Variants in SH3PXD2B observed in about 807,000 individuals in gnomAD.
SH3PXD2B encodes SH3 and PX domains 2B.
A neutral mutation model predicts 73.1 loss-of-function variants in SH3PXD2B; 37 were observed. That is an observed-to-expected ratio of 0.51 (90% CI 0.39 to 0.67). The LOEUF is 0.67. Among genes scored for constraint, SH3PXD2B ranks in the 30% least tolerant of loss-of-function variants. The probability of loss-of-function intolerance (pLI) is 0.00; values close to 1 mark genes in which losing one functional copy is unlikely to be tolerated. For synonymous variants in SH3PXD2B, 457 were observed against 480.5 expected, an observed-to-expected ratio of 0.95 and a Z score of 0.64; for missense variants, 1,053 against 1,197.8, an observed-to-expected ratio of 0.88 and a Z score of 1.78.
intron 12 of SH3PXD2B, among the ~76,000 whole-genome samples, chr5:172,325,598 G>T (rs765149140): frequency 6.6e-6 from 1 of 152,188 alleles, no homozygotes; most frequent in Non-Finnish European, 1.5e-5. Context: ...TCCTCACGTG[G>T]TGAAAGGCGG....
At chr5:172,384,464 G>A (rs746400908) in intron 4 of SH3PXD2B, among the ~76,000 whole-genome samples, 9 of 152,148 alleles carry the variant, frequency 5.9e-5, no homozygotes, top group Non-Finnish European at 1.0e-4. Context: ...TCCATCCACA[G>A]AACTCTATTC....
rs1756692450 is a variant in SH3PXD2B, at chr5:172,336,421, G to A, written c.*1948C>T. 2 of 985,826 alleles carry A rather than the reference G, an allele frequency of 2.0e-6. No homozygotes were observed. The highest frequency in any genetic ancestry group is 1.7e-5 in the African/African-American group (1 of 57,252). The allele number at this position is 985,826 out of a possible 1,614,324, so 61.1% of individuals were successfully genotyped here. ...CAGGGCCAAGTGGCAAGTGGGCCCT[G>A]CCCAAGCCTCTCTGGGAAATGGGAT... On this transcript the variant is annotated 3_prime_UTR_variant, in exon 13 of 13. Coordinates refer to ENST00000311601, the MANE Select transcript of SH3PXD2B (RefSeq NM_001017995.3).
intron 7 of SH3PXD2B, 124 bp from the exon 8 acceptor site, chr5:172,359,001 T>C: frequency 1.1e-6 from 1 of 914,846 alleles, no homozygotes; most frequent in Non-Finnish European, 1.7e-6. Flanking sequence ...GTTACCATTT[T>C]ATTGGTAGAA....
chr5:172,367,389 GTTT>G (rs34660682), intron 6 of SH3PXD2B, among the ~76,000 whole-genome samples: 6 of 137,742 alleles, frequency 4.4e-5, no homozygotes, highest in African/African-American at 1.6e-4. Context: ...CCTCTCATCA[GTTT>G]TTTTTTTTTT....
chr5:172,441,650 G>A (rs900461316), intron 1 of SH3PXD2B, among the ~76,000 whole-genome samples: 4 of 152,132 alleles, frequency 2.6e-5, no homozygotes, highest in African/African-American at 9.7e-5. Flanking sequence ...GTAACGGAAG[G>A]GTTGCCGAGA....
At position 172,336,095 on chromosome 5, in the gene SH3PXD2B, C is replaced by T; in HGVS notation, c.*2274G>A. 1.0e-6 allele frequency: 1 copy of T among 988,720 alleles called. No homozygotes were observed. The highest frequency in any genetic ancestry group is 1.2e-6 in the Non-Finnish European group (1 of 832,360). 61.2% of individuals were successfully genotyped at this position (988,720 alleles called of 1,614,324 possible). ...AGACAGGACTCAAAGCTCTTCCAGC[C>T]AGGGATGGAGCCACACACATCCCAG... On this transcript the variant is annotated 3_prime_UTR_variant, in exon 13 of 13. Transcript: ENST00000311601.
Position 172,439,667 on chromosome 5 carries a change from T to TGTGC in SH3PXD2B, c.75+14607_75+14610dup, listed in dbSNP as rs1169726668. 2.8e-4 allele frequency among the ~76,000 whole-genome samples: 34 copies of TGTGC among 121,288 alleles called. 2 individuals carry two copies. Among genetic ancestry groups the TGTGC allele is most frequent in the African/African-American group, 4.2e-4 (10 of 23,710 alleles). The allele number at this position is 121,288 out of a possible 152,430, so 79.6% of individuals were successfully genotyped here. On this transcript the variant is annotated intron_variant, in intron 1 of 12. Transcript: ENST00000311601. ...TCAAGCTGTAAAAACCAGGTATGTG[T>TGTGC]GTGCGTGCGTGCGCGCACGCGCGCG...
chr5:172,425,220 A>G (rs536417292), intron 1 of SH3PXD2B, among the ~76,000 whole-genome samples: 3 of 152,156 alleles, frequency 2.0e-5, no homozygotes, highest in African/African-American at 7.2e-5. Context: ...TCATTCACTC[A>G]TTCAGTCTTC....
chr5:172,442,307 T>C (rs564698398), intron 1 of SH3PXD2B, among the ~76,000 whole-genome samples: 2 of 152,352 alleles, frequency 1.3e-5, no homozygotes, highest in South Asian at 4.1e-4. Flanking sequence ...TCTCAGACCC[T>C]TTTCCTATGC....
chr5:172,438,637 A>G (rs959825940), intron 1 of SH3PXD2B, among the ~76,000 whole-genome samples: 3 of 152,172 alleles, frequency 2.0e-5, no homozygotes, highest in African/African-American at 7.2e-5. Flanking sequence ...GACCCAACCC[A>G]AAAAGGGAAG....
Position 172,406,346 on chromosome 5 carries a change from T to G in SH3PXD2B, c.163A>C (p.Met55Leu). ...YSKFFDLQMQMLDKFPMEGGQ... is the reference protein window; with the variant it reads ...YSKFFDLQMQLLDKFPMEGGQ... ...CCTTCCATGGGAAATTTGTCCAACA[T>G]CTGCATCTAAGTGGGGGGCGAATAC... The change falls in exon 3 of 13, where the codon ATG (methionine) becomes CTG (leucine). Residue 55 changes from methionine (M) to leucine (L), a missense_variant. Met to Leu is a conservative substitution (Grantham distance 15, BLOSUM62 2). Coordinates refer to ENST00000311601, the MANE Select transcript of SH3PXD2B (RefSeq NM_001017995.3). 6.2e-7 allele frequency: 1 copy of G among 1,614,070 alleles called. No homozygotes were observed. Among genetic ancestry groups the G allele is most frequent in the Non-Finnish European group, 8.5e-7 (1 of 1,180,010 alleles).
chr5:172,431,969 G>A (rs529429470), intron 1 of SH3PXD2B, among the ~76,000 whole-genome samples: 12 of 152,224 alleles, frequency 7.9e-5, no homozygotes, highest in African/African-American at 2.6e-4. Context: ...CTGAGGTCAG[G>A]GGTTCGAGAC....
intron 3 of SH3PXD2B, among the ~76,000 whole-genome samples, chr5:172,404,893 G>A (rs184419314): frequency 2.6e-5 from 4 of 152,334 alleles, no homozygotes; most frequent in East Asian, 3.9e-4. Flanking sequence ...ACCTGTGTCT[G>A]AATTCCAGTT....
chr5:172,407,966 GA>G (rs986921488), intron 2 of SH3PXD2B, among the ~76,000 whole-genome samples: 1 of 152,184 alleles, frequency 6.6e-6, no homozygotes, highest in African/African-American at 2.4e-5. Flanking sequence ...CCTCGCCTCT[GA>G]AATGCTACAA....
At chr5:172,395,224 G>A (rs1758267881) in intron 3 of SH3PXD2B, among the ~76,000 whole-genome samples, 1 of 152,118 alleles carries the variant, frequency 6.6e-6, no homozygotes, top group Admixed American at 6.5e-5. Context: ...TATTTTTATA[G>A]CACTTCTTCT....
rs1757587764 is a variant in SH3PXD2B, at chr5:172,368,498, A to ATATATATATAAAATATATATAT, written c.427+5291_427+5292insATATATATATTTTATATATATA. ...TATATATATAAAATATATATATATT[A>ATATATATATAAAATATATATAT]TATATATATATATAAAATATATATA... On this transcript the variant is annotated intron_variant, in intron 6 of 12. Coordinates refer to ENST00000311601, the MANE Select transcript of SH3PXD2B (RefSeq NM_001017995.3). Among the ~76,000 whole-genome samples, 9 of 5,834 alleles carry ATATATATATAAAATATATATAT rather than the reference A, an allele frequency of 1.5e-3. 1 individual carries two copies. The highest frequency in any genetic ancestry group is 3.2e-3 in the South Asian group (1 of 310). The allele number at this position is 5,834 out of a possible 152,430, so 3.8% of individuals were successfully genotyped here. A position where few individuals can be genotyped will look rare whatever the true frequency, so the allele number is the denominator to read the frequency against.
At chr5:172,444,390 A>C (rs1581345635) in intron 1 of SH3PXD2B, among the ~76,000 whole-genome samples, 1 of 152,256 alleles carries the variant, frequency 6.6e-6, no homozygotes, top group East Asian at 1.9e-4. Flanking sequence ...TGTTTGGCTT[A>C]AGTTAGCCAG....
Position 172,336,733 on chromosome 5 carries a change from G to A in SH3PXD2B, c.*1636C>T, listed in dbSNP as rs368527367. ...GGCAGGGCAGGGCAGGGCTGCCTCG[G>A]TCGGGTAGAATGGGAAGGGGTTCTG... On this transcript the variant is annotated 3_prime_UTR_variant, in exon 13 of 13. Coordinates refer to ENST00000311601, the MANE Select transcript of SH3PXD2B (RefSeq NM_001017995.3). The A allele has an allele frequency of 7.2e-4, 708 of 985,690 alleles. No homozygotes were observed. Among genetic ancestry groups the A allele is most frequent in the Non-Finnish European group, 8.0e-4 (665 of 830,214 alleles). 61.1% of individuals were successfully genotyped at this position (985,690 alleles called of 1,614,324 possible).
intron 6 of SH3PXD2B, among the ~76,000 whole-genome samples, chr5:172,364,950 C>T (rs1757482218): frequency 6.6e-6 from 1 of 152,056 alleles, no homozygotes; most frequent in Non-Finnish European, 1.5e-5. Flanking sequence ...CACAGAAGCC[C>T]CTTGTTAGAA....
Sources: allele counts gnomAD v4.1 joint callset (sites outside exome capture counted in the v4.1 genomes callset), GRCh38; gene constraint gnomAD v4.1.1; transcripts MANE v1.5; gene names NCBI Gene and HGNC (gene_info 2026-07-23, HGNC 2026-07-21).